The following PITPNM2 variants were observed in gnomAD, a reference collection of about 807,000 sequenced individuals.
PITPNM2 encodes the protein membrane-associated phosphatidylinositol transfer protein 2.
A neutral mutation model predicts 132.2 loss-of-function variants in PITPNM2; 35 were observed. The ratio of observed to expected loss-of-function variants is 0.26; its 90% confidence interval spans 0.20 to 0.35. The LOEUF is 0.35. Ranked by LOEUF, PITPNM2 falls within the 10% of genes least tolerant of loss-of-function variation. The probability of loss-of-function intolerance (pLI) is 1.00; values close to 1 mark genes in which losing one functional copy is unlikely to be tolerated. For missense variants in PITPNM2, 1,332 were observed against 1,912.0 expected, an observed-to-expected ratio of 0.70 and a Z score of 5.66; for synonymous variants, 738 against 799.2, an observed-to-expected ratio of 0.92 and a Z score of 1.29.
chr12:122,995,118 CT>C, intron 14 of PITPNM2, 139 bp from the exon 15 acceptor site: 2 of 1,043,850 alleles, frequency 1.9e-6, no homozygotes, highest in East Asian at 2.6e-5. Flanking sequence ...CCACCTGCCC[CT>C]GGTCCATTCT....
chr12:123,150,597 G>A lies in PITPNM2; in HGVS notation c.-200+156C>T, dbSNP rs890313994. Among the ~76,000 whole-genome samples the A allele has an allele frequency of 7.3e-5, 11 of 151,564 alleles. No individual in the cohort carries two copies. The highest frequency in any genetic ancestry group is 1.5e-4 in the Non-Finnish European group (10 of 67,804). ...CACCCTCCTCCCTGCCCGGGTCTCC[G>A]CTCCCTCCTCCAGCCCCCGGCGGGC... On this transcript the variant is annotated intron_variant, in intron 1 of 25. Transcript: ENST00000320201. The surrounding 1 kb of genome is among the most constrained non-coding windows in gnomAD (Gnocchi z 6.0).
intron 3 of PITPNM2, among the ~76,000 whole-genome samples, chr12:123,016,091 C>T (rs896988950): frequency 2.6e-5 from 4 of 152,000 alleles, no homozygotes; most frequent in Admixed American, 1.3e-4. Flanking sequence ...TTTGGGAGGC[C>T]GAGGCAGGCA....
chr12:123,143,238 T>A (rs748750929), intron 1 of PITPNM2, among the ~76,000 whole-genome samples: 45 of 149,174 alleles, frequency 3.0e-4, no homozygotes, highest in South Asian at 6.5e-4. Context: ...TGCAGGACAC[T>A]GGTGCCCAGT....
chr12:122,997,707 C>T, intron 10 of PITPNM2, 135 bp from the exon 11 acceptor site: 1 of 1,263,774 alleles, frequency 7.9e-7, no homozygotes, highest in South Asian at 1.4e-5. Context: ...GTTTTGGTTA[C>T]TCATGCCTGG....
chr12:123,021,587 T>C (rs1357750227), intron 3 of PITPNM2: 1 of 858,644 alleles, frequency 1.2e-6, no homozygotes, highest in Non-Finnish European at 1.4e-6. Context: ...GGAATCACAG[T>C]TTCTAAATCA....
intron 1 of PITPNM2, among the ~76,000 whole-genome samples, chr12:123,146,811 A>T (rs551817476): frequency 2.6e-5 from 4 of 152,184 alleles, no homozygotes; most frequent in African/African-American, 9.6e-5. Flanking sequence ...TGTCACTTTT[A>T]AAAAAGAGCA....
intron 2 of PITPNM2, chr12:123,075,566 C>T (rs566039022): frequency 6.6e-6 from 1 of 152,352 alleles, no homozygotes; most frequent in South Asian, 2.1e-4. Context: ...AAAGAAAGAA[C>T]CACTCACCGC....
chr12:123,041,790 G>A (rs529374354), intron 2 of PITPNM2, among the ~76,000 whole-genome samples: 1 of 152,302 alleles, frequency 6.6e-6, no homozygotes, highest in East Asian at 1.9e-4. Flanking sequence ...GGCCAGGCAA[G>A]GGGTCTGGGT....
chr12:123,125,616 G>A (rs970557900), intron 1 of PITPNM2, among the ~76,000 whole-genome samples: 13 of 151,814 alleles, frequency 8.6e-5, no homozygotes, highest in Admixed American at 6.6e-4. Context: ...AGGCCGAGGG[G>A]GGCGGATCAC....
At position 123,108,332 on chromosome 12, in the gene PITPNM2, G is replaced by A. The variant is rs1274202418; in HGVS notation, c.-96+2053C>T. 6.6e-6 allele frequency among the ~76,000 whole-genome samples: 1 copy of A among 152,198 alleles called. No individual in the cohort carries two copies. The highest frequency in any genetic ancestry group is 1.5e-5 in the Non-Finnish European group (1 of 68,032). On this transcript the variant is annotated intron_variant, in intron 2 of 25. Transcript: ENST00000320201. The surrounding 1 kb of genome is among the most constrained non-coding windows in gnomAD (Gnocchi z 4.4). ...GGTCTCTGCAAAGCCACTGCACTCTGGAATGCAGTTGTTAAGAAGGAATAG... is the reference window on the plus strand; with the variant it reads ...GGTCTCTGCAAAGCCACTGCACTCTAGAATGCAGTTGTTAAGAAGGAATAG...
intron 13 of PITPNM2, 21 bp downstream of exon 13, chr12:122,996,437 T>C: frequency 6.2e-7 from 1 of 1,612,474 alleles, no homozygotes; most frequent in Non-Finnish European, 8.5e-7. Flanking sequence ...TTGGGGACTG[T>C]CTGGGCCCCC....
intron 2 of PITPNM2, among the ~76,000 whole-genome samples, chr12:123,053,667 A>C (rs2040933441): frequency 6.7e-6 from 1 of 149,858 alleles, no homozygotes; most frequent in African/African-American, 2.5e-5. Flanking sequence ...TCCTGGGTTC[A>C]AGTGATTCTC....
rs867086132 is a variant in PITPNM2, at chr12:123,006,605, T to C, written c.644-1057A>G. On this transcript the variant is annotated intron_variant, in intron 6 of 25. Transcript: ENST00000320201. ...GTGTGTGTCTGTGGTCCCAGCTACTTGTGAGGTGGAGGTGGGGGGATCGCT... is the reference window on the plus strand; with the variant it reads ...GTGTGTGTCTGTGGTCCCAGCTACTCGTGAGGTGGAGGTGGGGGGATCGCT... Among the ~76,000 whole-genome samples the C allele has an allele frequency of 4.0e-5, 6 of 150,498 alleles. No individual in the cohort carries two copies. In the South Asian group the frequency reaches 8.5e-4, roughly 21 times the overall value.
intron 1 of PITPNM2, among the ~76,000 whole-genome samples, chr12:123,118,841 C>T (rs1417813764): frequency 6.6e-6 from 1 of 152,206 alleles, no homozygotes; most frequent in Non-Finnish European, 1.5e-5. Context: ...ACATACCATA[C>T]CACTGATGGG....
At chr12:123,136,914 T>A (rs2043394360) in intron 1 of PITPNM2, among the ~76,000 whole-genome samples, 1 of 152,082 alleles carries the variant, frequency 6.6e-6, no homozygotes, top group Admixed American at 6.6e-5. Context: ...TAATAATAAT[T>A]AAGCCCCCTT....
rs773021480 is a variant in PITPNM2 at position 122,992,691 on chromosome 12, G to A, written c.2234-22C>T. On this transcript the variant is annotated intron_variant, in intron 15 of 25. Coordinates refer to ENST00000320201, the MANE Select transcript of PITPNM2 (RefSeq NM_020845.3). The surrounding 1 kb of genome is among the most constrained non-coding windows in gnomAD (Gnocchi z 6.5). Reference sequence around the variant, plus strand: ...AAAACTGGGGGTGGGGGTGTTGGCTGCAGAGCTGGGGCTGGCCCTGAGGAG... The same window carrying A: ...AAAACTGGGGGTGGGGGTGTTGGCTACAGAGCTGGGGCTGGCCCTGAGGAG... The A allele has an allele frequency of 1.3e-6, 2 of 1,539,486 alleles. No homozygotes were observed. The highest frequency in any genetic ancestry group is 1.2e-5 in the South Asian group (1 of 80,036).
At chr12:123,048,394 G>A (rs1304174250) in intron 2 of PITPNM2, among the ~76,000 whole-genome samples, 1 of 151,562 alleles carries the variant, frequency 6.6e-6, no homozygotes, top group East Asian at 1.9e-4. Flanking sequence ...AGAATGGGTA[G>A]TTAGTGTTTT....
Position 123,005,313 on chromosome 12 carries a change from C to G in PITPNM2, c.879G>C (p.Glu293Asp). Residue 293 changes from glutamate (E) to aspartate (D), a missense_variant, in exon 7 of 26, where the codon GAG (glutamate) becomes GAC (aspartate). Glu to Asp is a conservative substitution (Grantham distance 45). Transcript: ENST00000320201. This position sits in a 1 kb window ranked among gnomAD's most constrained non-coding sequence, Gnocchi z 6.2. ...TCTTGAGGCCGCGCCCCACTAGGGG[C>G]TCCCCATTGCTGCTGCTGGGCTCCG... is the stretch of plus-strand genomic sequence containing the variant. ...EPPEPSSSNG[E>D]PLVGRGLKKQ... 1 of 1,614,104 alleles carries G rather than the reference C, an allele frequency of 6.2e-7. No homozygotes were observed. The highest frequency in any genetic ancestry group is 8.5e-7 in the Non-Finnish European group (1 of 1,180,028).
In PITPNM2 at chr12:122,996,837, G is replaced by C; in HGVS notation, c.1546C>G (p.Leu516Val). 2 of 1,598,890 alleles carry C rather than the reference G, an allele frequency of 1.3e-6. No homozygotes were observed. Among genetic ancestry groups the C allele is most frequent in the East Asian group, 4.5e-5 (2 of 44,816 alleles). Residue 516 changes from leucine (L) to valine (V), a missense_variant, in exon 12 of 26, where the codon CTG (leucine) becomes GTG (valine). Transcript: ENST00000320201. The part of the protein sequence containing the change: ...QDHIPLAALP[L>V]LATSSPQYQE... The stretch of plus-strand genomic sequence containing the variant: ...TACTGGGGGGAGGAGGTGGCCAGCA[G>C]GGGGAGGGCAGCCAGGGGAATGTGG...
Sources: gnomAD v4.1 joint callset for allele counts (sites outside exome capture counted in the v4.1 genomes callset) on GRCh38, gnomAD v4.1.1 for gene constraint, Gnocchi (gnomAD v3.1) non-coding constraint, MANE v1.5 for transcripts, NCBI Gene and HGNC (gene_info 2026-07-23, HGNC 2026-07-21) for gene names.